The following MBP variants were observed in gnomAD, a reference collection of about 807,000 sequenced individuals.
MBP encodes the protein Golli-MBP.
Under a neutral mutation model 35.8 loss-of-function variants are expected in MBP, and 16 were observed. The observed-to-expected ratio is 0.45, with a 90% CI of 0.30 to 0.68. MBP has a LOEUF of 0.68. MBP is among the 30% of genes least tolerant of loss of function. The pLI is 0.08. For missense variants in MBP, 380 were observed against 404.7 expected (o/e 0.94, Z 0.52); for synonymous variants, 143 against 159.6 (o/e 0.90, Z 0.78).
At chr18:77,084,030 A>G (rs557595936) in intron 2 of MBP, among the ~76,000 whole-genome samples, 24 of 151,664 alleles carry the variant, frequency 1.6e-4, no homozygotes, top group African/African-American at 5.8e-4. Flanking sequence ...TAAAAAACCC[A>G]TAAACGCTCA....
intron 4 of MBP, among the ~76,000 whole-genome samples, chr18:77,002,130 T>G (rs1970673022): frequency 6.6e-6 from 1 of 152,184 alleles, no homozygotes; most frequent in Admixed American, 6.5e-5. Context: ...GGAAGTTGGC[T>G]CCATGTGGAG....
intron 3 of MBP, among the ~76,000 whole-genome samples, chr18:77,064,011 T>C (rs919573546): frequency 6.6e-6 from 1 of 152,200 alleles, no homozygotes; most frequent in Non-Finnish European, 1.5e-5. Context: ...ATAAAGATGA[T>C]GTTTGCTTAA....
chr18:77,005,263 G>A (rs761333437), intron 4 of MBP: 2 of 152,252 alleles, frequency 1.3e-5, no homozygotes, highest in Admixed American at 1.3e-4. Context: ...TCAGATTGGC[G>A]AGGAAGTCCT....
intron 2 of MBP, chr18:77,087,301 G>A (rs1975284328): frequency 6.6e-6 from 1 of 152,220 alleles, no homozygotes; most frequent in Non-Finnish European, 1.5e-5. Flanking sequence ...GCGCGGCCAG[G>A]TCTCCCTGGC....
rs777446235 is a variant in MBP, at chr18:77,017,266, C to G, written c.142G>C (p.Glu48Gln). The G allele has an allele frequency of 2.7e-6, 4 of 1,507,144 alleles. No individual in the cohort carries two copies. Among genetic ancestry groups the G allele is most frequent in the Non-Finnish European group, 3.5e-6 (4 of 1,129,406 alleles). The allele number at this position is 1,507,144 out of a possible 1,614,324, so 93.4% of individuals were successfully genotyped here. ...TTSEDNEVFG[E>Q]ADANQNNGTS... ...CCATTGTTCTGGTTCGCATCTGCCT[C>G]TCCTGCAAACAACAATGAGATATGA... is the stretch of plus-strand genomic sequence containing the variant. Residue 48 changes from glutamate (E) to glutamine (Q), a missense_variant and splice_region_variant, in exon 4 of 9, where the codon GAG (glutamate) becomes CAG (glutamine). Transcript: ENST00000355994.
chr18:77,009,120 G>C (rs1971173888), intron 4 of MBP, among the ~76,000 whole-genome samples: 1 of 152,226 alleles, frequency 6.6e-6, no homozygotes, highest in Non-Finnish European at 1.5e-5. Context: ...GTGGATGCAG[G>C]TTTGTGGTGA....
At chr18:77,111,109 G>A (rs1230243805) in intron 1 of MBP, among the ~76,000 whole-genome samples, 4 of 152,116 alleles carry the variant, frequency 2.6e-5, no homozygotes, top group Non-Finnish European at 5.9e-5. Context: ...CAGAAAGCCT[G>A]GCAATGTTTG....
chr18:77,001,123 G>T (rs1372318396), intron 4 of MBP, among the ~76,000 whole-genome samples: 1 of 151,864 alleles, frequency 6.6e-6, no homozygotes, highest in African/African-American at 2.4e-5. Context: ...CTGCCCACCC[G>T]GTCCCCACTC....
At chr18:77,017,470 G>T in intron 3 of MBP, 1 of 414,078 alleles carries the variant, frequency 2.4e-6, no homozygotes, top group Non-Finnish European at 4.2e-6. Flanking sequence ...AAGGCTCTGG[G>T]AATTCCTCAG....
At position 77,131,888 on chromosome 18, in the gene MBP, G is replaced by A. The variant is rs995503856; in HGVS notation, c.-26+692C>T. 5.9e-5 allele frequency among the ~76,000 whole-genome samples: 9 copies of A among 152,062 alleles called. No homozygotes were observed. The highest frequency in any genetic ancestry group is 1.2e-4 in the Non-Finnish European group (8 of 67,978). On this transcript the variant is annotated intron_variant, in intron 1 of 8. Coordinates refer to ENST00000355994, the MANE Select transcript of MBP (RefSeq NM_001025101.2). The surrounding 1 kb of genome is among the most constrained non-coding windows in gnomAD (Gnocchi z 5.5). ...GCACGTGGGCCCAGGTGGGCGCAGC[G>A]ACGGGCCCGGCCGAAGAGCCCGAGA... is the stretch of plus-strand genomic sequence containing the variant.
intron 3 of MBP, among the ~76,000 whole-genome samples, chr18:77,022,113 G>T (rs546732753): frequency 2.0e-5 from 3 of 152,182 alleles, no homozygotes; most frequent in Non-Finnish European, 4.4e-5. Context: ...AAATCATCTG[G>T]GTTGAGAAAC....
At chr18:77,110,179 T>C (rs139992006) in intron 1 of MBP, 1 of 152,346 alleles carries the variant, frequency 6.6e-6, no homozygotes, top group African/African-American at 2.4e-5. Flanking sequence ...GTTATTTACA[T>C]TTTGAATGTC....
At chr18:77,091,813 GACAC>G (rs960567547) in intron 2 of MBP, among the ~76,000 whole-genome samples, 3 of 151,306 alleles carry the variant, frequency 2.0e-5, no homozygotes, top group Admixed American at 1.3e-4. Context: ...ACACACCACA[GACAC>G]ACACCCGCAC....
rs751142383 is a variant in MBP, at chr18:77,020,003, T to A, written c.140-2735A>T. 1.3e-5 allele frequency among the ~76,000 whole-genome samples: 2 copies of A among 152,022 alleles called. No homozygotes were observed. Among genetic ancestry groups the A allele is most frequent in the Non-Finnish European group, 2.9e-5 (2 of 67,976 alleles). On this transcript the variant is annotated intron_variant, in intron 3 of 8. Coordinates refer to ENST00000355994, the MANE Select transcript of MBP (RefSeq NM_001025101.2). The surrounding 1 kb of genome is among the most constrained non-coding windows in gnomAD (Gnocchi z 4.1). Reference sequence around the variant, plus strand: ...AACAGCAGGGGTATCACAGCCTTGATGGCTGTGAACAGACTGTGGAAAGGG... The same window carrying A: ...AACAGCAGGGGTATCACAGCCTTGAAGGCTGTGAACAGACTGTGGAAAGGG...
At chr18:77,117,649 T>A (rs1178278298) in intron 1 of MBP, among the ~76,000 whole-genome samples, 1 of 151,404 alleles carries the variant, frequency 6.6e-6, no homozygotes. Flanking sequence ...TTCCAGTATC[T>A]GTGGATGGGT....
At chr18:77,029,233 A>T (rs964889167) in intron 3 of MBP, among the ~76,000 whole-genome samples, 3 of 146,626 alleles carry the variant, frequency 2.0e-5, no homozygotes, top group African/African-American at 7.4e-5. Flanking sequence ...ACACAGCGAA[A>T]CCCCGGCTCC....
intron 2 of MBP, among the ~76,000 whole-genome samples, chr18:77,071,817 G>A (rs975026506): frequency 5.9e-5 from 9 of 152,168 alleles, no homozygotes; most frequent in African/African-American, 2.2e-4. Flanking sequence ...GATGGCGACT[G>A]TCCAATTAAA....
chr18:77,049,593 C>T (rs1006509114), intron 3 of MBP, among the ~76,000 whole-genome samples: 85 of 152,212 alleles, frequency 5.6e-4, no homozygotes, highest in Middle Eastern at 3.4e-3. Flanking sequence ...ATAATTCTGT[C>T]GTTCTAGATC....
intron 3 of MBP, among the ~76,000 whole-genome samples, chr18:77,026,531 ATGT>A (rs140291027): frequency 1.1e-3 from 173 of 152,282 alleles, no homozygotes; most frequent in African/African-American, 4.0e-3. Context: ...AATTAATTAA[ATGT>A]TGTCCCCTTT....
Sources: allele counts gnomAD v4.1 joint callset (sites outside exome capture counted in the v4.1 genomes callset), GRCh38; gene constraint gnomAD v4.1.1; non-coding constraint Gnocchi (gnomAD v3.1); transcripts MANE v1.5; gene names NCBI Gene and HGNC (gene_info 2026-07-23, HGNC 2026-07-21).